Variants in PRKG1 observed in about 807,000 individuals in gnomAD.
PRKG1 encodes the protein protein kinase cGMP-dependent 1.
In PRKG1, 35 loss-of-function variants were observed where a neutral mutation model predicts 88.1. That is an observed-to-expected ratio of 0.40 (90% confidence interval 0.30 to 0.53). The LOEUF (loss-of-function observed/expected upper bound fraction) is 0.53. Among genes scored for constraint, PRKG1 ranks in the 20% least tolerant of loss-of-function variants. The pLI is 0.59. For synonymous variants in PRKG1, 303 were observed against 292.5 expected, an observed-to-expected ratio of 1.04 and a Z score of -0.37; for missense variants, 540 against 839.8, an observed-to-expected ratio of 0.64 and a Z score of 4.41.
intron 7 of PRKG1, among the ~76,000 whole-genome samples, chr10:52,100,048 C>T (rs1847260073): frequency 6.6e-6 from 1 of 151,996 alleles, no homozygotes; most frequent in Admixed American, 6.6e-5. Context: ...TTTCGTAAGC[C>T]AAAAATGTCA....
At chr10:51,230,253 A>G (rs1468084640) in intron 2 of PRKG1, among the ~76,000 whole-genome samples, 2 of 152,178 alleles carry the variant, frequency 1.3e-5, no homozygotes, top group Non-Finnish European at 2.9e-5. Context: ...GAAATAAAAT[A>G]GTTTCAGAAG....
At chr10:52,135,550 T>C (rs1217193005) in intron 8 of PRKG1, among the ~76,000 whole-genome samples, 1 of 152,012 alleles carries the variant, frequency 6.6e-6, no homozygotes, top group Non-Finnish European at 1.5e-5. Context: ...AGACCATGGG[T>C]AGGAGGAACC....
chr10:52,103,049 A>G (rs1554804276), intron 7 of PRKG1, among the ~76,000 whole-genome samples: 1 of 152,128 alleles, frequency 6.6e-6, no homozygotes, highest in Non-Finnish European at 1.5e-5. Context: ...TTCTTATAGG[A>G]GCACAAACCC....
At chr10:51,272,248 C>A (rs1225534940) in intron 2 of PRKG1, among the ~76,000 whole-genome samples, 1 of 151,974 alleles carries the variant, frequency 6.6e-6, no homozygotes, top group Non-Finnish European at 1.5e-5. Context: ...TTCCTTTGCC[C>A]ACTTTTTGAT....
chr10:51,740,899 T>C (rs1039641500), intron 3 of PRKG1, among the ~76,000 whole-genome samples: 1 of 151,422 alleles, frequency 6.6e-6, no homozygotes, highest in Non-Finnish European at 1.5e-5. Flanking sequence ...CCAACCTGCA[T>C]TGATTGCCCA....
Position 51,745,738 on chromosome 10 carries a change from G to A in PRKG1, c.593-58847G>A, listed in dbSNP as rs191336689. On this transcript the variant is annotated intron_variant, in intron 3 of 17. Transcript: ENST00000373980. ...CTAAAAAAAGTCCAGGCTGGGCGTG[G>A]TGTCTCACGCCTATAATCCCAGCAC... Among the ~76,000 whole-genome samples the A allele has an allele frequency of 4.5e-3, 686 of 152,264 alleles. 2 individuals carry two copies. Among genetic ancestry groups the A allele is most frequent in the African/African-American group, 0.016 (664 of 41,562 alleles).
intron 5 of PRKG1, among the ~76,000 whole-genome samples, chr10:52,033,347 T>TA (rs1233035607): frequency 6.6e-6 from 1 of 152,172 alleles, no homozygotes; most frequent in Non-Finnish European, 1.5e-5. Flanking sequence ...TCAAAGTTGA[T>TA]AAAACAACAG....
At chr10:51,393,604 T>A (rs1837499198) in intron 2 of PRKG1, among the ~76,000 whole-genome samples, 1 of 152,188 alleles carries the variant, frequency 6.6e-6, no homozygotes, top group Admixed American at 6.5e-5. Flanking sequence ...TGATGATCAT[T>A]AACACCATGG....
chr10:52,083,324 T>C (rs1216405855), intron 7 of PRKG1, among the ~76,000 whole-genome samples: 1 of 152,116 alleles, frequency 6.6e-6, no homozygotes, highest in Non-Finnish European at 1.5e-5. Flanking sequence ...GTAGTTAATA[T>C]TTGGTAACCA....
At chr10:51,076,209 A>G (rs1489186897) in intron 1 of PRKG1, among the ~76,000 whole-genome samples, 1 of 152,210 alleles carries the variant, frequency 6.6e-6, no homozygotes, top group African/African-American at 2.4e-5. Flanking sequence ...CTGTTCATGC[A>G]GGCTTAGTTT....
intron 1 of PRKG1, among the ~76,000 whole-genome samples, chr10:51,016,490 C>G (rs1230949158): frequency 1.3e-5 from 2 of 151,706 alleles, no homozygotes; most frequent in East Asian, 3.9e-4. Context: ...TGCTATTTTC[C>G]TTTTCTACTT....
chr10:52,280,727 A>T, intron 12 of PRKG1, 62 bp from the exon 13 acceptor site: 1 of 1,546,534 alleles, frequency 6.5e-7, no homozygotes, highest in South Asian at 1.2e-5. Flanking sequence ...AGAAAAAAAA[A>T]ATAAAGCCAT....
intron 3 of PRKG1, among the ~76,000 whole-genome samples, chr10:51,763,435 T>A (rs914923298): frequency 1.3e-4 from 20 of 151,510 alleles, no homozygotes; most frequent in Middle Eastern, 3.2e-3. Context: ...TAAAAAAAAT[T>A]TTTATAGAGG....
chr10:51,474,008 A>C (rs1235890903), intron 3 of PRKG1, among the ~76,000 whole-genome samples: 9 of 151,970 alleles, frequency 5.9e-5, no homozygotes, highest in Non-Finnish European at 1.3e-4. Flanking sequence ...CTTAAAGGAA[A>C]CCTTCCTGCC....
At chr10:51,447,385 A>G (rs1028564909) in intron 2 of PRKG1, among the ~76,000 whole-genome samples, 3 of 152,092 alleles carry the variant, frequency 2.0e-5, no homozygotes, top group Admixed American at 6.6e-5. Context: ...GAACAATCCC[A>G]TGAAGAACTA....
Position 51,735,854 on chromosome 10 carries a change from C to CATATATATATATAT in PRKG1, c.593-68718_593-68705dup, listed in dbSNP as rs146700314. ...GGATATGGGGCAGGGGGCCTGACTG[C>CATATATATATATAT]ATATATATATATATATATATATATA... On this transcript the variant is annotated intron_variant, in intron 3 of 17. Transcript: ENST00000373980. Among the ~76,000 whole-genome samples, 23 of 114,202 alleles carry CATATATATATATAT rather than the reference C, an allele frequency of 2.0e-4. No homozygotes were observed. The East Asian group carries it at 2.2e-3, about 11-fold the overall frequency. 74.9% of individuals were successfully genotyped at this position (114,202 alleles called of 152,430 possible).
At chr10:51,658,020 A>G (rs1840203807) in intron 3 of PRKG1, among the ~76,000 whole-genome samples, 2 of 152,190 alleles carry the variant, frequency 1.3e-5, no homozygotes, top group Non-Finnish European at 2.9e-5. Flanking sequence ...AATTGCAAAC[A>G]CATTGATAGA....
intron 9 of PRKG1, among the ~76,000 whole-genome samples, chr10:52,170,926 T>G (rs1478633626): frequency 6.6e-6 from 1 of 152,168 alleles, no homozygotes; most frequent in Non-Finnish European, 1.5e-5. Context: ...CCTTTGAAAA[T>G]GCGCTCATCA....
intron 2 of PRKG1, among the ~76,000 whole-genome samples, chr10:51,388,922 A>T (rs888042626): frequency 2.0e-5 from 3 of 152,238 alleles, no homozygotes; most frequent in African/African-American, 7.2e-5. Context: ...AATTCTGTGC[A>T]ACTGACAGCA....
Sources: gnomAD v4.1 joint callset for allele counts (sites outside exome capture counted in the v4.1 genomes callset) on GRCh38, gnomAD v4.1.1 for gene constraint, MANE v1.5 for transcripts, NCBI Gene and HGNC (gene_info 2026-07-23, HGNC 2026-07-21) for gene names.